Variants in PPP1R3B observed in about 807,000 individuals in gnomAD.
PPP1R3B encodes PP1 subunit R4.
PPP1R3B carries 8 observed loss-of-function variants against 14.6 expected under a neutral mutation model. The observed-to-expected ratio is 0.55, with a 90% CI of 0.32 to 0.99. The LOEUF (loss-of-function observed/expected upper bound fraction) is 0.99, where lower values mean the gene tolerates loss of function less well. Ranked by LOEUF, PPP1R3B falls within the 50% of genes least tolerant of loss-of-function variation. The probability of loss-of-function intolerance (pLI) is 0.04; values close to 1 mark genes in which losing one functional copy is unlikely to be tolerated. For synonymous variants in PPP1R3B, 169 were observed against 142.0 expected (o/e 1.19, Z -1.35); for missense variants, 452 against 360.1 (o/e 1.26, Z -2.07).
chr8:9,148,736 C>T lies in PPP1R3B; in HGVS notation c.-18+1827G>A, dbSNP rs572561706. 5.9e-5 allele frequency among the ~76,000 whole-genome samples: 9 copies of T among 152,318 alleles called. No individual in the cohort carries two copies. The East Asian group carries it at 1.4e-3, about 23-fold the overall frequency. On this transcript the variant is annotated intron_variant, in intron 1 of 1. Coordinates refer to ENST00000310455, the MANE Select transcript of PPP1R3B (RefSeq NM_024607.4). ...AGACGGCCATGGTGATAACTATAGA[C>T]CTGCACAGAAAATAACCCTATGACC...
At position 9,138,971 on chromosome 8, in the gene PPP1R3B, T is replaced by A. The variant is rs1007939795; in HGVS notation, c.*1823A>T. 1 of 152,226 alleles carries A rather than the reference T, an allele frequency of 6.6e-6. No homozygotes were observed. The highest frequency in any genetic ancestry group is 1.5e-5 in the Non-Finnish European group (1 of 68,068). The allele number at this position is 152,226 out of a possible 1,614,324, so 9.4% of individuals were successfully genotyped here. On this transcript the variant is annotated 3_prime_UTR_variant, in exon 2 of 2. Coordinates refer to ENST00000310455, the MANE Select transcript of PPP1R3B (RefSeq NM_024607.4). ...TTTCACTCTGTCGCTCAGGCTGAAA[T>A]GCAGTGACGTGATCTCGGCTCACTG...
intron 1 of PPP1R3B, 104 bp from the exon 2 acceptor site, chr8:9,141,772 CTTTT>C: frequency 4.4e-6 from 5 of 1,144,034 alleles, no homozygotes; most frequent in South Asian, 3.2e-5. Context: ...ACAATATTTC[CTTTT>C]ATCTATGCCC....
In PPP1R3B at chr8:9,138,556, C is replaced by T. The variant is rs1037162090; in HGVS notation, c.*2238G>A. The stretch of plus-strand genomic sequence containing the variant: ...CCACAAAACTCTAGGAGCCAAGGCA[C>T]TCAGTATCTGCCTGTTGGTTATGTA... On this transcript the variant is annotated 3_prime_UTR_variant, in exon 2 of 2. Transcript: ENST00000310455. The T allele has an allele frequency of 2.0e-5, 3 of 152,188 alleles. No individual in the cohort carries two copies. Among genetic ancestry groups the T allele is most frequent in the Non-Finnish European group, 2.9e-5 (2 of 68,036 alleles). 9.4% of individuals were successfully genotyped at this position (152,188 alleles called of 1,614,324 possible).
chr8:9,150,909 G>A (rs918026943), upstream of PPP1R3B, among the ~76,000 whole-genome samples: 1 of 152,230 alleles, frequency 6.6e-6, no homozygotes, highest in Non-Finnish European at 1.5e-5. Context: ...GTTTTATAGG[G>A]AAAATAAGGC....
At chr8:9,142,745 T>TTTAGGGA (rs1801127334) in intron 1 of PPP1R3B, among the ~76,000 whole-genome samples, 2 of 152,154 alleles carry the variant, frequency 1.3e-5, no homozygotes, top group African/African-American at 4.8e-5. Flanking sequence ...AGATTCCACA[T>TTTAGGGA]ATAAGTGAGA....
At chr8:9,148,477 G>A (rs1801308429) in intron 1 of PPP1R3B, among the ~76,000 whole-genome samples, 1 of 152,200 alleles carries the variant, frequency 6.6e-6, no homozygotes, top group Non-Finnish European at 1.5e-5. Context: ...ATAGGAATGA[G>A]TGTATGAGTG....
chr8:9,140,185 A>G lies in PPP1R3B; in HGVS notation c.*609T>C, dbSNP rs993658853. The G allele has an allele frequency of 6.4e-6, 1 of 156,212 alleles. No individual in the cohort carries two copies. The highest frequency in any genetic ancestry group is 2.4e-5 in the African/African-American group (1 of 41,636). 9.7% of individuals were successfully genotyped at this position (156,212 alleles called of 1,614,324 possible). A position where few individuals can be genotyped will look rare whatever the true frequency, so the allele number is the denominator to read the frequency against. ...TTGCCTTTATTATCTTTTCCTGAAC[A>G]TCAGATCAATTGTGGAAGAACATAA... On this transcript the variant is annotated 3_prime_UTR_variant, in exon 2 of 2. Coordinates refer to ENST00000310455, the MANE Select transcript of PPP1R3B (RefSeq NM_024607.4).
chr8:9,138,661 C>A lies in PPP1R3B; in HGVS notation c.*2133G>T, dbSNP rs979489909. On this transcript the variant is annotated 3_prime_UTR_variant, in exon 2 of 2. Coordinates refer to ENST00000310455, the MANE Select transcript of PPP1R3B (RefSeq NM_024607.4). ...ACTCTTAGCTTGAAAAGCCTGACAA[C>A]TCTGCCTCCAAATCCAGGCAACTGT... The A allele has an allele frequency of 2.6e-5, 4 of 152,224 alleles. No homozygotes were observed. The highest frequency in any genetic ancestry group is 2.0e-4 in the Admixed American group (3 of 15,282). The allele number at this position is 152,224 out of a possible 1,614,324, so 9.4% of individuals were successfully genotyped here.
chr8:9,138,465 G>A lies in PPP1R3B; in HGVS notation c.*2329C>T, dbSNP rs1253266509. ...CCTTAAGAGCATTTAAAAAGTCAAG[G>A]CATCTTAAACTTCAGAAATGAAAAC... On this transcript the variant is annotated 3_prime_UTR_variant, in exon 2 of 2. Transcript: ENST00000310455. The A allele has an allele frequency of 6.6e-6, 1 of 152,124 alleles. No individual in the cohort carries two copies. The highest frequency in any genetic ancestry group is 2.4e-5 in the African/African-American group (1 of 41,430). 9.4% of individuals were successfully genotyped at this position (152,124 alleles called of 1,614,324 possible). A position where few individuals can be genotyped will look rare whatever the true frequency, so the allele number is the denominator to read the frequency against.
chr8:9,143,467 C>T (rs1470114785), intron 1 of PPP1R3B, among the ~76,000 whole-genome samples: 1 of 152,186 alleles, frequency 6.6e-6, no homozygotes, highest in Non-Finnish European at 1.5e-5. Flanking sequence ...CTTTGGGAGG[C>T]TGGGCAGGTG....
chr8:9,150,944 C>G (rs1176961571), upstream of PPP1R3B, among the ~76,000 whole-genome samples: 4 of 152,224 alleles, frequency 2.6e-5, no homozygotes, highest in Non-Finnish European at 5.9e-5. Context: ...AGCGGCTTGT[C>G]CTTAAGCTCC....
At chr8:9,149,794 C>CA (rs1219149268) in intron 1 of PPP1R3B, among the ~76,000 whole-genome samples, 2 of 152,230 alleles carry the variant, frequency 1.3e-5, no homozygotes, top group Admixed American at 1.3e-4. Context: ...CCCCATCATC[C>CA]AAAGCATCTT....
Position 9,141,724 on chromosome 8 carries a change from C to A in PPP1R3B, c.-17-56G>T. 2.6e-6 allele frequency: 4 copies of A among 1,518,740 alleles called. 1 individual carries two copies. The South Asian group carries it at 3.7e-5, about 14-fold the overall frequency. The allele number at this position is 1,518,740 out of a possible 1,614,324, so 94.1% of individuals were successfully genotyped here. ...AAAACAGTGGAGCAATCAGATCAGA[C>A]AGATGTGTAAAGGCATCATTCCAGC... On this transcript the variant is annotated intron_variant, in intron 1 of 1. Coordinates refer to ENST00000310455, the MANE Select transcript of PPP1R3B (RefSeq NM_024607.4).
rs1029164812 is a variant in PPP1R3B, at chr8:9,141,590, C to G, written c.62G>C (p.Arg21Thr). Residue 21 changes from arginine to threonine, a missense_variant, in exon 2 of 2, where the codon AGG becomes ACG. Arg to Thr is a moderately conservative substitution (Grantham distance 71). Coordinates refer to ENST00000310455, the MANE Select transcript of PPP1R3B (RefSeq NM_024607.4). ...CTTTGGTGAGATCTTAAAGGCAAAC[C>G]TCTCTTGGCGCAAGGAAGGAGCCAT... Reference protein sequence around the residue: ...NCMAPSLRQERFAFKISPKPS... With the variant: ...NCMAPSLRQETFAFKISPKPS... 3 of 1,614,050 alleles carry G rather than the reference C, an allele frequency of 1.9e-6. No individual in the cohort carries two copies. Among genetic ancestry groups the G allele is most frequent in the Non-Finnish European group, 2.5e-6 (3 of 1,180,036 alleles).
rs372691306 is a variant in PPP1R3B, at chr8:9,141,599, C to T, written c.53G>A (p.Arg18His). The change falls in exon 2 of 2, where the codon CGC (arginine) becomes CAC (histidine). Residue 18 changes from arginine to histidine, a missense_variant. Transcript: ENST00000310455. ...GATCTTAAAGGCAAACCTCTCTTGGCGCAAGGAAGGAGCCATGCAGTTGTA... is the reference window on the plus strand; with the variant it reads ...GATCTTAAAGGCAAACCTCTCTTGGTGCAAGGAAGGAGCCATGCAGTTGTA... Reference protein sequence around the residue: ...YRYNCMAPSLRQERFAFKISP... With the variant: ...YRYNCMAPSLHQERFAFKISP... The T allele has an allele frequency of 5.4e-5, 87 of 1,613,922 alleles. No individual in the cohort carries two copies. The highest frequency in any genetic ancestry group is 6.6e-5 in the South Asian group (6 of 91,084).
chr8:9,149,159 G>C lies in PPP1R3B; in HGVS notation c.-18+1404C>G, dbSNP rs1165650341. On this transcript the variant is annotated intron_variant, in intron 1 of 1. Transcript: ENST00000310455. Reference sequence around the variant, plus strand: ...AGTGAGCCGAGATGGCGCCACTGCAGTCCAGCCTGGGCGACAGAGCGAAAC... The same window carrying C: ...AGTGAGCCGAGATGGCGCCACTGCACTCCAGCCTGGGCGACAGAGCGAAAC... Among the ~76,000 whole-genome samples, 204 of 124,760 alleles carry C rather than the reference G, an allele frequency of 1.6e-3. 1 individual carries two copies. Among genetic ancestry groups the C allele is most frequent in the Middle Eastern group, 6.8e-3 (1 of 148 alleles). The allele number at this position is 124,760 out of a possible 152,430, so 81.8% of individuals were successfully genotyped here.
intron 1 of PPP1R3B, among the ~76,000 whole-genome samples, chr8:9,143,543 A>G (rs1801152673): frequency 6.6e-6 from 1 of 152,138 alleles, no homozygotes; most frequent in African/African-American, 2.4e-5. Context: ...CTCTACTAAA[A>G]TTACAAAAAT....
intron 1 of PPP1R3B, among the ~76,000 whole-genome samples, chr8:9,142,694 G>C (rs373503594): frequency 2.0e-5 from 3 of 152,124 alleles, no homozygotes; most frequent in East Asian, 3.9e-4. Flanking sequence ...CTTTCTGGTA[G>C]CCACCCCTGT....
intron 1 of PPP1R3B, among the ~76,000 whole-genome samples, chr8:9,145,777 T>G (rs1801223532): frequency 6.6e-6 from 1 of 152,232 alleles, no homozygotes; most frequent in African/African-American, 2.4e-5. Flanking sequence ...ATAATATTGC[T>G]TCTATCATCA....
Sources: allele counts gnomAD v4.1 joint callset (sites outside exome capture counted in the v4.1 genomes callset), GRCh38; gene constraint gnomAD v4.1.1; transcripts MANE v1.5; gene names NCBI Gene and HGNC (gene_info 2026-07-23, HGNC 2026-07-21).